RAB33A: variants seen among roughly 807,000 people sequenced by gnomAD.
RAB33A encodes the protein RAB33A, member RAS oncogene family, also known as ras-related protein Rab-33A.
Under a neutral mutation model 12.0 loss-of-function variants are expected in RAB33A, and 6 were observed. The observed-to-expected ratio is 0.50, with a 90% CI of 0.27 to 0.99. The LOEUF is 0.99. Ranked by LOEUF, RAB33A falls within the 50% of genes least tolerant of loss-of-function variation. The pLI, the probability that RAB33A is intolerant of heterozygous loss-of-function variation, is 0.11. For synonymous variants in RAB33A, 70 were observed against 82.4 expected, an observed-to-expected ratio of 0.85 and a Z score of 0.81; for missense variants, 109 against 192.0, an observed-to-expected ratio of 0.57 and a Z score of 2.55.
the RAB33A span, among the ~76,000 whole-genome samples, chrX:130,113,752 A>G: frequency 8.9e-6 from 1 of 111,824 alleles, no homozygotes; most frequent in Admixed American, 9.5e-5. Flanking sequence ...GCAATAAATT[A>G]TTGTTGACTG....
chrX:130,148,833 C>CAAAA, the RAB33A span, among the ~76,000 whole-genome samples: 2 of 21,526 alleles, frequency 9.3e-5, no homozygotes, highest in Non-Finnish European at 1.5e-4. Flanking sequence ...AACTCCATCT[C>CAAAA]AAAAAAAAAA....
the RAB33A span, among the ~76,000 whole-genome samples, chrX:130,146,555 A>T: frequency 6.4e-5 from 7 of 109,390 alleles, no homozygotes; most frequent in Non-Finnish European, 7.6e-5. Flanking sequence ...CCTGTTTGAA[A>T]ATGGAACTAG....
upstream of RAB33A, among the ~76,000 whole-genome samples, chrX:130,167,911 C>T (rs1309467894): frequency 9.2e-6 from 1 of 108,422 alleles, no homozygotes; most frequent in Non-Finnish European, 1.9e-5. Context: ...GGTGCAGTGG[C>T]TCATGCCTGT....
the RAB33A span, among the ~76,000 whole-genome samples, chrX:130,141,821 C>A: frequency 8.9e-6 from 1 of 111,941 alleles, no homozygotes; most frequent in Admixed American, 9.5e-5. Context: ...ACTTGTTGGT[C>A]ACAATTTTCC....
At chrX:130,173,647 T>C (rs1226188241) in intron 1 of RAB33A, among the ~76,000 whole-genome samples, 2 of 112,025 alleles carry the variant, frequency 1.8e-5, no homozygotes, top group Non-Finnish European at 3.8e-5. Context: ...GATAGAACAT[T>C]ATTTTGAAAT....
the RAB33A span, among the ~76,000 whole-genome samples, chrX:130,135,082 C>CTT: frequency 4.0e-5 from 4 of 100,675 alleles, no homozygotes; most frequent in South Asian, 4.4e-4. Flanking sequence ...CCACATATTA[C>CTT]TTTTTTTTTT....
chrX:130,147,411 G>A, the RAB33A span: 3 of 1,157,276 alleles, frequency 2.6e-6, no homozygotes, highest in South Asian at 1.8e-5. Context: ...TCCTATTACT[G>A]TACACAGTCA....
chrX:130,143,810 G>A, the RAB33A span, among the ~76,000 whole-genome samples: 1 of 109,863 alleles, frequency 9.1e-6, no homozygotes, highest in African/African-American at 3.3e-5. Context: ...TCATGCCACC[G>A]TACTCCAGCC....
chrX:130,135,543 T>C, the RAB33A span, among the ~76,000 whole-genome samples: 1 of 109,226 alleles, frequency 9.2e-6, no homozygotes, highest in Non-Finnish European at 1.9e-5. Context: ...CACTTGTAAC[T>C]AGCAATGGGG....
the RAB33A span, among the ~76,000 whole-genome samples, chrX:130,164,802 C>T: frequency 8.9e-6 from 1 of 111,852 alleles, no homozygotes; most frequent in Non-Finnish European, 1.9e-5. Flanking sequence ...TATTAATTAA[C>T]TATGTGACCT....
the RAB33A span, among the ~76,000 whole-genome samples, chrX:130,117,223 C>A: frequency 2.7e-5 from 3 of 111,454 alleles, no homozygotes; most frequent in East Asian, 5.6e-4. Context: ...CTCAAAAAAA[C>A]AAAAAAACAA....
At chrX:130,139,978 C>T in the RAB33A span, 66 of 679,842 alleles carry the variant, frequency 9.7e-5, no homozygotes, top group Admixed American at 1.4e-3. Context: ...AGCACCATGG[C>T]GGCAACAACA....
chrX:130,139,188 C>T, the RAB33A span, among the ~76,000 whole-genome samples: 2 of 110,891 alleles, frequency 1.8e-5, no homozygotes, highest in Non-Finnish European at 3.8e-5. Flanking sequence ...AAAAATTAGC[C>T]GGTCGTGGTG....
At chrX:130,136,800 G>T in the RAB33A span, 1 of 1,107,537 alleles carries the variant, frequency 9.0e-7, no homozygotes, top group Non-Finnish European at 1.2e-6. Flanking sequence ...TAGGAAAGCT[G>T]ACCAGCGGTC....
intron 1 of RAB33A, among the ~76,000 whole-genome samples, chrX:130,174,438 GGC>G (rs1443422065): frequency 8.9e-6 from 1 of 112,177 alleles, no homozygotes; most frequent in Non-Finnish European, 1.9e-5. Context: ...CATGCTGGCA[GGC>G]GAGAGACCAG....
chrX:130,167,849 C>CT (rs759948930), upstream of RAB33A, among the ~76,000 whole-genome samples: 172 of 97,621 alleles, frequency 1.8e-3, no homozygotes, highest in South Asian at 4.5e-3. Context: ...AATGAAGTTA[C>CT]TTTTTTTTTT....
the RAB33A span, among the ~76,000 whole-genome samples, chrX:130,164,987 T>C: frequency 9.2e-6 from 1 of 108,876 alleles, no homozygotes; most frequent in African/African-American, 3.4e-5. Flanking sequence ...CACCAAGAAG[T>C]ACACGGCTCA....
the RAB33A span, among the ~76,000 whole-genome samples, chrX:130,132,557 A>C: frequency 9.0e-6 from 1 of 111,474 alleles, no homozygotes; most frequent in Non-Finnish European, 1.9e-5. Flanking sequence ...TCTTTTTTTT[A>C]ACTTTTAAAA....
At chrX:130,165,573 C>T in the RAB33A span, 5 of 1,198,162 alleles carry the variant, frequency 4.2e-6, no homozygotes, top group Admixed American at 1.1e-4. Flanking sequence ...TCCTCTGCCT[C>T]GGGCTTCGGA....
Sources: gnomAD v4.1 joint callset for allele counts (sites outside exome capture counted in the v4.1 genomes callset) on GRCh38, gnomAD v4.1.1 for gene constraint, MANE v1.5 for transcripts, NCBI Gene and HGNC (gene_info 2026-07-23, HGNC 2026-07-21) for gene names.